Variants in NRXN3 observed in about 807,000 individuals in gnomAD.
The protein encoded by NRXN3 is neurexin 3, also known as neurexin III.
Under a neutral mutation model 137.6 loss-of-function variants are expected in NRXN3, and 32 were observed. The observed-to-expected ratio is 0.23, with a 90% CI of 0.18 to 0.31. The LOEUF is 0.31. Ranked by LOEUF, NRXN3 falls within the 10% of genes least tolerant of loss-of-function variation. The probability of loss-of-function intolerance (pLI) is 1.00; values close to 1 mark genes in which losing one functional copy is unlikely to be tolerated. For missense variants in NRXN3, 1,574 were observed against 2,062.5 expected (o/e 0.76, Z 4.59); for synonymous variants, 798 against 784.5 (o/e 1.02, Z -0.29).
chr14:78,588,356 G>A (rs185249041), intron 4 of NRXN3, among the ~76,000 whole-genome samples: 1 of 152,340 alleles, frequency 6.6e-6, no homozygotes, highest in East Asian at 1.9e-4. Context: ...GATACAGTTT[G>A]TAACTGATAT....
intron 17 of NRXN3, among the ~76,000 whole-genome samples, chr14:79,675,466 TG>T (rs1399498615): frequency 6.6e-6 from 1 of 152,100 alleles, no homozygotes; most frequent in Admixed American, 6.6e-5. Flanking sequence ...TAGGTTTAGC[TG>T]GGGGAACCCT....
intron 15 of NRXN3, among the ~76,000 whole-genome samples, chr14:79,188,326 T>C (rs1035409041): frequency 6.6e-6 from 1 of 152,056 alleles, no homozygotes; most frequent in Non-Finnish European, 1.5e-5. Context: ...AAATTCGAGA[T>C]ATGTGGAAAA....
intron 1 of NRXN3, among the ~76,000 whole-genome samples, chr14:78,233,341 A>G (rs1194235480): frequency 6.6e-6 from 1 of 152,194 alleles, no homozygotes; most frequent in Non-Finnish European, 1.5e-5. Flanking sequence ...CCCTGACATC[A>G]GATTTCTCTT....
At chr14:78,451,288 T>C (rs1394768175) in intron 4 of NRXN3, among the ~76,000 whole-genome samples, 3 of 152,240 alleles carry the variant, frequency 2.0e-5, no homozygotes, top group Admixed American at 6.5e-5. Flanking sequence ...TGTGTCTTTA[T>C]ACATTAAAGC....
At chr14:78,456,603 C>A (rs769381439) in intron 4 of NRXN3, among the ~76,000 whole-genome samples, 8 of 151,954 alleles carry the variant, frequency 5.3e-5, no homozygotes, top group Admixed American at 1.3e-4. Context: ...TTTCTCTTAC[C>A]TTCTTATCAT....
intron 1 of NRXN3, among the ~76,000 whole-genome samples, chr14:78,213,710 G>C (rs549336478): frequency 6.6e-6 from 1 of 152,288 alleles, no homozygotes; most frequent in Non-Finnish European, 1.5e-5. Flanking sequence ...TCTGCTCTCT[G>C]TGGCATGTCC....
intron 1 of NRXN3, among the ~76,000 whole-genome samples, chr14:78,202,510 T>C (rs1196003105): frequency 6.6e-6 from 1 of 152,092 alleles, no homozygotes; most frequent in Non-Finnish European, 1.5e-5. Flanking sequence ...AGTCAGGGGA[T>C]GTGGGGATGG....
At chr14:79,618,035 C>T (rs1172288105) in intron 16 of NRXN3, among the ~76,000 whole-genome samples, 1 of 151,212 alleles carries the variant, frequency 6.6e-6, no homozygotes, top group Non-Finnish European at 1.5e-5. Flanking sequence ...GAAGTTTTTA[C>T]TTTCTGCTGT....
At chr14:78,654,215 T>C (rs2097768506) in intron 6 of NRXN3, among the ~76,000 whole-genome samples, 1 of 152,248 alleles carries the variant, frequency 6.6e-6, no homozygotes, top group Admixed American at 6.5e-5. Flanking sequence ...CAGCAAAGGC[T>C]ATGTTAGGAT....
intron 15 of NRXN3, among the ~76,000 whole-genome samples, chr14:79,348,162 A>G (rs1005481405): frequency 1.3e-5 from 2 of 152,098 alleles, no homozygotes; most frequent in African/African-American, 4.8e-5. Flanking sequence ...GAAATTACCC[A>G]TCCATGAGAA....
At chr14:79,532,451 A>G (rs970779531) in intron 16 of NRXN3, among the ~76,000 whole-genome samples, 52 of 152,188 alleles carry the variant, frequency 3.4e-4, no homozygotes, top group Non-Finnish European at 1.5e-4. Flanking sequence ...TTCAAAAGCT[A>G]GTTTCCTAAC....
chr14:78,406,624 A>G (rs1029152361), intron 4 of NRXN3, among the ~76,000 whole-genome samples: 1 of 152,232 alleles, frequency 6.6e-6, no homozygotes, highest in Non-Finnish European at 1.5e-5. Context: ...CAGCACAAGC[A>G]CTGGTAGCAG....
At chr14:78,919,717 A>T (rs796208375) in intron 10 of NRXN3, among the ~76,000 whole-genome samples, 29 of 152,056 alleles carry the variant, frequency 1.9e-4, no homozygotes, top group African/African-American at 6.7e-4. Flanking sequence ...AAAGTCATAT[A>T]TGTGAACACA....
chr14:79,382,103 A>G (rs183497212), intron 15 of NRXN3, among the ~76,000 whole-genome samples: 45 of 152,274 alleles, frequency 3.0e-4, no homozygotes, highest in Admixed American at 2.6e-3. Context: ...AAATGGAACA[A>G]TAGAATCCTT....
At chr14:78,472,915 T>TC (rs1252780831) in intron 4 of NRXN3, among the ~76,000 whole-genome samples, 2 of 45,072 alleles carry the variant, frequency 4.4e-5, no homozygotes, top group Non-Finnish European at 1.2e-4. Flanking sequence ...AGAGAAAATG[T>TC]CTTTTTTTTT....
At chr14:79,341,550 A>C (rs1408334436) in intron 15 of NRXN3, among the ~76,000 whole-genome samples, 3 of 152,160 alleles carry the variant, frequency 2.0e-5, no homozygotes, top group Non-Finnish European at 2.9e-5. Context: ...CAGGCAGCTT[A>C]AAGTTTCAGG....
chr14:79,557,002 A>G (rs534172419), intron 16 of NRXN3, among the ~76,000 whole-genome samples: 1 of 151,916 alleles, frequency 6.6e-6, no homozygotes, highest in Non-Finnish European at 1.5e-5. Flanking sequence ...ATGAAAACCC[A>G]TCAACATCCA....
chr14:79,686,966 C>A (rs1178520634), intron 17 of NRXN3, among the ~76,000 whole-genome samples: 3 of 152,166 alleles, frequency 2.0e-5, no homozygotes, highest in Non-Finnish European at 4.4e-5. Context: ...TTAAAAAGCT[C>A]CCTTACTTAA....
intron 20 of NRXN3, among the ~76,000 whole-genome samples, chr14:79,811,466 G>C (rs958765712): frequency 1.3e-5 from 2 of 151,900 alleles, no homozygotes; most frequent in Non-Finnish European, 2.9e-5. Context: ...CGCCTTCATT[G>C]ATCTATAAAT....
Sources: gnomAD v4.1 joint callset for allele counts (sites outside exome capture counted in the v4.1 genomes callset) on GRCh38, gnomAD v4.1.1 for gene constraint, MANE v1.5 for transcripts, NCBI Gene and HGNC (gene_info 2026-07-23, HGNC 2026-07-21) for gene names.